Variants in ARHGAP26 observed in about 807,000 individuals in gnomAD.
ARHGAP26 encodes the protein rho GTPase-activating protein 26.
In ARHGAP26, 38 loss-of-function variants were observed where a neutral mutation model predicts 104.8. That is an observed-to-expected ratio of 0.36 (90% CI 0.28 to 0.48). The LOEUF (loss-of-function observed/expected upper bound fraction) is 0.48. Ranked by LOEUF, ARHGAP26 falls within the 20% of genes least tolerant of loss-of-function variation. The pLI, the probability that ARHGAP26 is intolerant of heterozygous loss-of-function variation, is 0.99. For missense variants in ARHGAP26, 704 were observed against 947.9 expected (o/e 0.74, Z 3.38); for synonymous variants, 341 against 340.0 (o/e 1.00, Z -0.03).
intron 1 of ARHGAP26, among the ~76,000 whole-genome samples, chr5:142,855,840 G>A (rs902460679): frequency 3.3e-5 from 5 of 152,150 alleles, no homozygotes; most frequent in East Asian, 1.9e-4. Context: ...TGAAGGCACA[G>A]CCTGTCTACT....
intron 6 of ARHGAP26, among the ~76,000 whole-genome samples, chr5:142,895,333 C>T (rs959394790): frequency 3.3e-5 from 5 of 152,120 alleles, no homozygotes; most frequent in African/African-American, 9.6e-5. Flanking sequence ...TGGGTTCAAG[C>T]GATTCTCCTG....
chr5:142,950,303 T>C (rs1224397536), intron 11 of ARHGAP26, among the ~76,000 whole-genome samples: 1 of 152,072 alleles, frequency 6.6e-6, no homozygotes, highest in East Asian at 1.9e-4. Flanking sequence ...GGTTTCCATG[T>C]TGGATTAAAA....
Position 143,223,180 on chromosome 5 carries a change from A to T in ARHGAP26, c.*734A>T, listed in dbSNP as rs1811406566. 4.3e-6 allele frequency: 1 copy of T among 232,996 alleles called. No homozygotes were observed. The allele number at this position is 232,996 out of a possible 1,614,324, so 14.4% of individuals were successfully genotyped here. The stretch of plus-strand genomic sequence containing the variant: ...CCACGGCAACCCAACCTACTCTAAA[A>T]CCAAACCAAAAAAATAAAATAACAC... On this transcript the variant is annotated 3_prime_UTR_variant, in exon 23 of 23. Transcript: ENST00000645722.
chr5:143,140,440 A>G (rs1436804411), intron 19 of ARHGAP26, among the ~76,000 whole-genome samples: 1 of 152,184 alleles, frequency 6.6e-6, no homozygotes, highest in Non-Finnish European at 1.5e-5. Context: ...ATCACTAATA[A>G]TAGCTTCCTT....
chr5:142,905,244 T>C (rs1760937087), intron 8 of ARHGAP26, among the ~76,000 whole-genome samples: 1 of 152,236 alleles, frequency 6.6e-6, no homozygotes, highest in Non-Finnish European at 1.5e-5. Context: ...CTTACATATA[T>C]AAAATCAATG....
chr5:143,199,295 C>A (rs954227220), intron 20 of ARHGAP26, among the ~76,000 whole-genome samples: 1 of 152,142 alleles, frequency 6.6e-6, no homozygotes, highest in African/African-American at 2.4e-5. Flanking sequence ...TATAGGATTT[C>A]TTTGTTGTAA....
intron 11 of ARHGAP26, among the ~76,000 whole-genome samples, chr5:143,001,287 A>T (rs928929258): frequency 2.0e-5 from 3 of 152,334 alleles, no homozygotes; most frequent in Admixed American, 6.5e-5. Context: ...ACAATTCATG[A>T]TTGGCATGCT....
At chr5:143,205,940 C>T (rs989497327) in intron 20 of ARHGAP26, among the ~76,000 whole-genome samples, 1 of 152,140 alleles carries the variant, frequency 6.6e-6, no homozygotes, top group African/African-American at 2.4e-5. Flanking sequence ...TAAAAATATA[C>T]GTAATGGAAT....
chr5:142,973,052 G>A (rs1041337820), intron 11 of ARHGAP26, among the ~76,000 whole-genome samples: 1 of 151,586 alleles, frequency 6.6e-6, no homozygotes, highest in African/African-American at 2.4e-5. Flanking sequence ...GATTGATTTG[G>A]GGTTGTTTTA....
At chr5:142,863,452 A>G (rs535984486) in intron 1 of ARHGAP26, among the ~76,000 whole-genome samples, 44 of 152,260 alleles carry the variant, frequency 2.9e-4, no homozygotes, top group African/African-American at 9.9e-4. Flanking sequence ...AACTCTCCCT[A>G]GGTTCACATG....
intron 20 of ARHGAP26, among the ~76,000 whole-genome samples, chr5:143,179,099 A>G (rs1410882156): frequency 6.6e-6 from 1 of 151,994 alleles, no homozygotes; most frequent in Non-Finnish European, 1.5e-5. Flanking sequence ...TGAACTCCTG[A>G]CCTTAGCGAT....
At chr5:143,158,874 CACAAACAAACAA>C (rs10571955) in intron 20 of ARHGAP26, among the ~76,000 whole-genome samples, 1 of 151,876 alleles carries the variant, frequency 6.6e-6, no homozygotes, top group African/African-American at 2.4e-5. Context: ...TGTTATTGTC[CACAAACAAACAA>C]ACAAACAAAG....
At chr5:143,222,287 C>T in intron 22 of ARHGAP26, 71 bp from the exon 23 acceptor site, 1 of 1,031,950 alleles carries the variant, frequency 9.7e-7, no homozygotes, top group Non-Finnish European at 1.4e-6. Flanking sequence ...ACACACACCC[C>T]ACACACACAT....
At chr5:142,893,625 T>C (rs544721784) in intron 5 of ARHGAP26, among the ~76,000 whole-genome samples, 35 of 152,364 alleles carry the variant, frequency 2.3e-4, no homozygotes, top group Admixed American at 1.2e-3. Flanking sequence ...GTAGTGGGAT[T>C]GCTGGATTAT....
At chr5:142,831,162 C>T (rs1259361412) in intron 1 of ARHGAP26, among the ~76,000 whole-genome samples, 1 of 152,130 alleles carries the variant, frequency 6.6e-6, no homozygotes, top group African/African-American at 2.4e-5. Flanking sequence ...CTGTCTCCAC[C>T]CTGTTGAGTT....
intron 20 of ARHGAP26, among the ~76,000 whole-genome samples, chr5:143,179,800 A>G (rs1804039216): frequency 6.6e-6 from 1 of 151,526 alleles, no homozygotes; most frequent in Non-Finnish European, 1.5e-5. Flanking sequence ...TTTCATCCCT[A>G]CTCTTAAAAC....
chr5:143,082,834 G>C (rs1348357534), intron 17 of ARHGAP26, among the ~76,000 whole-genome samples: 4 of 152,184 alleles, frequency 2.6e-5, no homozygotes, highest in Admixed American at 6.5e-5. Flanking sequence ...AAGCCTAACT[G>C]ATGTTTTCCC....
At chr5:142,797,597 C>G (rs1761247884) in intron 1 of ARHGAP26, among the ~76,000 whole-genome samples, 1 of 152,250 alleles carries the variant, frequency 6.6e-6, no homozygotes, top group East Asian at 1.9e-4. Context: ...TTGGCAAGAT[C>G]AAAGAACAGG....
intron 20 of ARHGAP26, among the ~76,000 whole-genome samples, chr5:143,159,885 C>T (rs1026452482): frequency 6.6e-6 from 1 of 150,818 alleles, no homozygotes; most frequent in African/African-American, 2.4e-5. Context: ...GGAAGGAACA[C>T]TGCCTTTTCA....
Sources: gnomAD v4.1 joint callset for allele counts (sites outside exome capture counted in the v4.1 genomes callset) on GRCh38, gnomAD v4.1.1 for gene constraint, MANE v1.5 for transcripts, NCBI Gene and HGNC (gene_info 2026-07-23, HGNC 2026-07-21) for gene names.